Variants in MRPL42 observed in about 807,000 individuals in gnomAD.
MRPL42 encodes large ribosomal subunit protein mL42.
In MRPL42, 17 loss-of-function variants were observed where a neutral mutation model predicts 17.9. The ratio of observed to expected loss-of-function variants is 0.95; its 90% CI spans 0.65 to 1.42. MRPL42 has a LOEUF of 1.42. MRPL42 is among the 40% of genes most tolerant of loss of function. The probability of loss-of-function intolerance (pLI) is 0.00; values close to 1 mark genes in which losing one functional copy is unlikely to be tolerated. For missense variants in MRPL42, 177 were observed against 175.2 expected (o/e 1.01, Z -0.06); for synonymous variants, 59 against 54.4 (o/e 1.08, Z -0.37).
At chr12:93,485,009 T>TATATATATATAC (rs1880663617) in intron 4 of MRPL42, among the ~76,000 whole-genome samples, 1 of 54,422 alleles carries the variant, frequency 1.8e-5, no homozygotes, top group African/African-American at 5.7e-5. Context: ...TATATATATA[T>TATATATATATAC]ATATATATAT....
At chr12:93,469,463 A>C in intron 2 of MRPL42, 108 bp downstream of exon 2, 1 of 753,426 alleles carries the variant, frequency 1.3e-6, no homozygotes, top group Non-Finnish European at 2.1e-6. Flanking sequence ...GAGTGTTTGC[A>C]GCAATGGAAA....
chr12:93,483,905 G>T (rs570601592), intron 4 of MRPL42, among the ~76,000 whole-genome samples: 1 of 151,792 alleles, frequency 6.6e-6, no homozygotes, highest in East Asian at 1.9e-4. Context: ...AAGCTTTTTT[G>T]TATTAAAATT....
intron 4 of MRPL42, among the ~76,000 whole-genome samples, chr12:93,481,337 T>C (rs1281770421): frequency 1.3e-5 from 2 of 152,212 alleles, no homozygotes; most frequent in African/African-American, 4.8e-5. Flanking sequence ...GTTGCTGTTT[T>C]CTCTCGCATA....
At chr12:93,483,641 T>C (rs1880571186) in intron 4 of MRPL42, among the ~76,000 whole-genome samples, 1 of 152,182 alleles carries the variant, frequency 6.6e-6, no homozygotes, top group Non-Finnish European at 1.5e-5. Context: ...GGTGAGTCAG[T>C]GAGTGTAAAG....
intron 5 of MRPL42, among the ~76,000 whole-genome samples, chr12:93,491,776 T>C (rs894907135): frequency 6.1e-4 from 93 of 152,288 alleles, no homozygotes; most frequent in African/African-American, 2.2e-3. Flanking sequence ...CCTCTTTCCC[T>C]CCTGTCTGTT....
In MRPL42 at chr12:93,514,355, C is replaced by T. The variant is rs1231478462; in HGVS notation, c.*13134C>T. On this transcript the variant is annotated 3_prime_UTR_variant, in exon 6 of 6. Transcript: ENST00000549982. ...TCTGTCAATCTCGGTTCATTGCAAC[C>T]TCCACCTCCCAAGCTCAAGCGATTC... 6.7e-6 allele frequency: 1 copy of T among 149,380 alleles called. No homozygotes were observed. Among genetic ancestry groups the T allele is most frequent in the East Asian group, 2.0e-4 (1 of 5,036 alleles). The allele number at this position is 149,380 out of a possible 1,614,324, so 9.3% of individuals were successfully genotyped here. A position where few individuals can be genotyped will look rare whatever the true frequency, so the allele number is the denominator to read the frequency against.
At chr12:93,482,341 T>G (rs1026716182) in intron 4 of MRPL42, among the ~76,000 whole-genome samples, 5 of 152,210 alleles carry the variant, frequency 3.3e-5, no homozygotes, top group Non-Finnish European at 7.3e-5. Flanking sequence ...CAACAGCATT[T>G]ATCATTTCTA....
chr12:93,502,607 A>C lies in MRPL42; in HGVS notation c.*1386A>C, dbSNP rs1953611434. On this transcript the variant is annotated 3_prime_UTR_variant, in exon 6 of 6. Transcript: ENST00000549982. The stretch of plus-strand genomic sequence containing the variant: ...TTCCATTAATATAAATTTCATTTGG[A>C]AAGATTAAAAAAACAAGTTTGATTG... 1 of 152,224 alleles carries C rather than the reference A, an allele frequency of 6.6e-6. No homozygotes were observed. Among genetic ancestry groups the C allele is most frequent in the East Asian group, 1.9e-4 (1 of 5,204 alleles). The allele number at this position is 152,224 out of a possible 1,614,324, so 9.4% of individuals were successfully genotyped here.
intron 2 of MRPL42, among the ~76,000 whole-genome samples, chr12:93,472,922 A>G (rs1425086719): frequency 1.3e-5 from 2 of 152,218 alleles, no homozygotes; most frequent in African/African-American, 4.8e-5. Flanking sequence ...CCAGGGTCAC[A>G]TATTTGGTAA....
At chr12:93,475,091 A>G (rs1397545808) in intron 2 of MRPL42, among the ~76,000 whole-genome samples, 4 of 152,020 alleles carry the variant, frequency 2.6e-5, no homozygotes, top group Non-Finnish European at 5.9e-5. Flanking sequence ...CAGGGAGAGT[A>G]AAAAGGATTT....
At chr12:93,478,107 C>T (rs1207362190) in intron 3 of MRPL42, among the ~76,000 whole-genome samples, 1 of 151,940 alleles carries the variant, frequency 6.6e-6, no homozygotes, top group Non-Finnish European at 1.5e-5. Context: ...TAGGTGTGTG[C>T]CACCACACCC....
intron 5 of MRPL42, among the ~76,000 whole-genome samples, chr12:93,499,355 A>C (rs1275145953): frequency 1.3e-5 from 2 of 151,774 alleles, no homozygotes; most frequent in Non-Finnish European, 1.5e-5. Context: ...GCTGAATGAC[A>C]CTTTTAATGG....
intron 2 of MRPL42, chr12:93,470,521 G>T: frequency 7.7e-7 from 1 of 1,293,806 alleles, no homozygotes; most frequent in Admixed American, 2.3e-5. Flanking sequence ...TTACGTGGAT[G>T]TATTACATAT....
At chr12:93,469,995 A>G (rs1879830782) in intron 2 of MRPL42, among the ~76,000 whole-genome samples, 1 of 148,800 alleles carries the variant, frequency 6.7e-6, no homozygotes, top group Non-Finnish European at 1.5e-5. Context: ...TTTTTTTTTA[A>G]CGGAGTCTGG....
intron 5 of MRPL42, among the ~76,000 whole-genome samples, chr12:93,491,190 CA>C (rs1268521329): frequency 6.6e-6 from 1 of 152,094 alleles, no homozygotes; most frequent in African/African-American, 2.4e-5. Context: ...CATGCCTGGC[CA>C]AAACACACAT....
chr12:93,470,636 C>T, intron 2 of MRPL42: 1 of 1,006,248 alleles, frequency 9.9e-7, no homozygotes, highest in Non-Finnish European at 1.3e-6. Flanking sequence ...TGTTTTGAGT[C>T]CCCAGTGTTT....
chr12:93,487,351 G>A (rs1880793055), intron 4 of MRPL42, 146 bp from the exon 5 acceptor site: 3 of 652,536 alleles, frequency 4.6e-6, no homozygotes, highest in African/African-American at 1.9e-5. Context: ...AATGCACTAA[G>A]TGAAACTTTG....
At chr12:93,489,403 T>C (rs1420413152) in intron 5 of MRPL42, among the ~76,000 whole-genome samples, 1 of 152,176 alleles carries the variant, frequency 6.6e-6, no homozygotes, top group Non-Finnish European at 1.5e-5. Context: ...ATAATCTCTA[T>C]AATAAAAGTG....
chr12:93,515,849 A>G lies in MRPL42; in HGVS notation c.*14628A>G, dbSNP rs1953776775. 1 of 151,952 alleles carries G rather than the reference A, an allele frequency of 6.6e-6. No individual in the cohort carries two copies. Among genetic ancestry groups the G allele is most frequent in the African/African-American group, 2.4e-5 (1 of 41,200 alleles). The allele number at this position is 151,952 out of a possible 1,614,324, so 9.4% of individuals were successfully genotyped here. A position where few individuals can be genotyped will look rare whatever the true frequency, so the allele number is the denominator to read the frequency against. On this transcript the variant is annotated 3_prime_UTR_variant, in exon 6 of 6. Transcript: ENST00000549982. ...ATGACTCTGAAACCTTAATAAAGTGAGAAAAAACAAGTCCACTTTGTAATT... is the reference window on the plus strand; with the variant it reads ...ATGACTCTGAAACCTTAATAAAGTGGGAAAAAACAAGTCCACTTTGTAATT...
Sources: gnomAD v4.1 joint callset for allele counts (sites outside exome capture counted in the v4.1 genomes callset) on GRCh38, gnomAD v4.1.1 for gene constraint, MANE v1.5 for transcripts, NCBI Gene and HGNC (gene_info 2026-07-23, HGNC 2026-07-21) for gene names.